NEGR1: variants seen among roughly 807,000 people sequenced by gnomAD.
The protein encoded by NEGR1 is IgLON family member 4.
A neutral mutation model predicts 40.9 loss-of-function variants in NEGR1; 10 were observed. That is an observed-to-expected ratio of 0.24 (90% CI 0.15 to 0.42). The LOEUF (loss-of-function observed/expected upper bound fraction) is 0.42, where lower values mean the gene tolerates loss of function less well. Among genes scored for constraint, NEGR1 ranks in the 10% least tolerant of loss-of-function variants. NEGR1 has a pLI of 1.00. For missense variants in NEGR1, 352 were observed against 438.9 expected, an observed-to-expected ratio of 0.80 and a Z score of 1.77; for synonymous variants, 185 against 166.8, an observed-to-expected ratio of 1.11 and a Z score of -0.84.
chr1:71,919,787 A>T (rs151131758), intron 2 of NEGR1, among the ~76,000 whole-genome samples: 80 of 152,336 alleles, frequency 5.3e-4, no homozygotes, highest in African/African-American at 1.9e-3. Context: ...AATCTCAAAC[A>T]TATTTTGTCA....
intron 2 of NEGR1, among the ~76,000 whole-genome samples, chr1:71,840,862 G>A (rs908665735): frequency 2.0e-5 from 3 of 152,068 alleles, no homozygotes; most frequent in Non-Finnish European, 4.4e-5. Context: ...TTATAATATA[G>A]GCGGGCCCCA....
intron 1 of NEGR1, among the ~76,000 whole-genome samples, chr1:72,073,631 T>C (rs1340331745): frequency 3.9e-5 from 6 of 152,138 alleles, no homozygotes; most frequent in African/African-American, 4.8e-5. Context: ...GCTACATATA[T>C]ACTTTCTTAA....
At chr1:72,131,582 A>G (rs1650250750) in intron 1 of NEGR1, among the ~76,000 whole-genome samples, 1 of 152,220 alleles carries the variant, frequency 6.6e-6, no homozygotes, top group Admixed American at 6.5e-5. Flanking sequence ...AGGAAGTCCA[A>G]ATACGATAAC....
At chr1:72,005,353 T>G (rs1165159052) in intron 1 of NEGR1, among the ~76,000 whole-genome samples, 3 of 152,088 alleles carry the variant, frequency 2.0e-5, no homozygotes, top group Non-Finnish European at 4.4e-5. Flanking sequence ...AAGAAGTCAA[T>G]CACTAAGATG....
At chr1:72,273,911 T>C (rs887502764) in intron 1 of NEGR1, among the ~76,000 whole-genome samples, 2 of 151,738 alleles carry the variant, frequency 1.3e-5, no homozygotes, top group African/African-American at 4.8e-5. Flanking sequence ...TTAGTAGATA[T>C]TGGCCTGATA....
At chr1:71,961,045 T>C (rs1646161773) in intron 1 of NEGR1, among the ~76,000 whole-genome samples, 1 of 152,186 alleles carries the variant, frequency 6.6e-6, no homozygotes, top group Non-Finnish European at 1.5e-5. Flanking sequence ...GTATCAGACT[T>C]TTAACAAATA....
chr1:71,905,056 T>C (rs1190262492), intron 2 of NEGR1, among the ~76,000 whole-genome samples: 1 of 152,094 alleles, frequency 6.6e-6, no homozygotes, highest in Non-Finnish European at 1.5e-5. Context: ...TTTTTCTTCT[T>C]TAATCAGGGC....
intron 6 of NEGR1, among the ~76,000 whole-genome samples, chr1:71,579,468 G>A (rs1475098484): frequency 6.6e-6 from 1 of 152,046 alleles, no homozygotes; most frequent in Non-Finnish European, 1.5e-5. Flanking sequence ...GACATTACTG[G>A]TTAATCTTAT....
intron 6 of NEGR1, among the ~76,000 whole-genome samples, chr1:71,507,652 A>C (rs1028798613): frequency 6.6e-6 from 1 of 152,200 alleles, no homozygotes; most frequent in Non-Finnish European, 1.5e-5. Flanking sequence ...CCCCCTTCCA[A>C]CAGCCACTGC....
chr1:71,822,925 T>C (rs1003564073), intron 2 of NEGR1, among the ~76,000 whole-genome samples: 1 of 152,018 alleles, frequency 6.6e-6, no homozygotes, highest in Non-Finnish European at 1.5e-5. Context: ...GCTGAAAGCA[T>C]AGCTGAAATG....
chr1:72,213,740 A>G (rs536577674), intron 1 of NEGR1, among the ~76,000 whole-genome samples: 1 of 152,168 alleles, frequency 6.6e-6, no homozygotes, highest in Non-Finnish European at 1.5e-5. Flanking sequence ...TACCAACCAA[A>G]AAAAGCCCAA....
chr1:71,557,961 G>T (rs1427352774), intron 6 of NEGR1, among the ~76,000 whole-genome samples: 2 of 151,366 alleles, frequency 1.3e-5, no homozygotes, highest in Non-Finnish European at 3.0e-5. Context: ...TTGGATTTTT[G>T]CAGAAAGCCC....
chr1:71,862,367 G>GTCA (rs1479674134), intron 2 of NEGR1, among the ~76,000 whole-genome samples: 1 of 152,004 alleles, frequency 6.6e-6, no homozygotes, highest in Non-Finnish European at 1.5e-5. Context: ...TTCTAATAAT[G>GTCA]TCATCACTCG....
chr1:71,789,948 T>C (rs769685955), intron 2 of NEGR1, among the ~76,000 whole-genome samples: 1 of 152,160 alleles, frequency 6.6e-6, no homozygotes, highest in Non-Finnish European at 1.5e-5. Flanking sequence ...TCACGGCTAC[T>C]ACTGTAGTGG....
chr1:71,886,808 TGGA>T (rs1453459593), intron 2 of NEGR1, among the ~76,000 whole-genome samples: 1 of 152,176 alleles, frequency 6.6e-6, no homozygotes, highest in Non-Finnish European at 1.5e-5. Context: ...GATGCTAACA[TGGA>T]GGAGAAGAGC....
At chr1:71,468,256 A>C (rs1282984751) in intron 6 of NEGR1, 1 of 151,948 alleles carries the variant, frequency 6.6e-6, no homozygotes, top group Non-Finnish European at 1.5e-5. Context: ...GTCTAACTCT[A>C]ACTATTAATG....
chr1:71,560,429 T>TTATATATATA (rs58813234), intron 6 of NEGR1, among the ~76,000 whole-genome samples: 1,398 of 114,060 alleles, frequency 0.012, 59 homozygotes, highest in Admixed American at 0.024. Context: ...TAATTCTCCA[T>TTATATATATA]TATATATATA....
At chr1:71,448,641 C>T (rs1414699722) in intron 6 of NEGR1, among the ~76,000 whole-genome samples, 11 of 151,998 alleles carry the variant, frequency 7.2e-5, no homozygotes, top group South Asian at 6.2e-4. Flanking sequence ...GAGAAAATTA[C>T]GCAACATTTT....
intron 6 of NEGR1, among the ~76,000 whole-genome samples, chr1:71,433,760 G>T (rs914982451): frequency 6.6e-6 from 1 of 152,098 alleles, no homozygotes; most frequent in Non-Finnish European, 1.5e-5. Flanking sequence ...GATTTGGGTG[G>T]GGACACAGAA....
Sources: allele counts gnomAD v4.1 joint callset (sites outside exome capture counted in the v4.1 genomes callset), GRCh38; gene constraint gnomAD v4.1.1; transcripts MANE v1.5; gene names NCBI Gene and HGNC (gene_info 2026-07-23, HGNC 2026-07-21).